Variants in DPYD observed in about 807,000 individuals in gnomAD.
The protein encoded by DPYD is dihydropyrimidine dehydrogenase [NADP(+)].
In DPYD, 109 loss-of-function variants were observed where a neutral mutation model predicts 116.2. The observed-to-expected ratio is 0.94, with a 90% confidence interval of 0.80 to 1.10. DPYD has a LOEUF of 1.10. Among genes scored for constraint, DPYD ranks in the 50% least tolerant of loss-of-function variants. The pLI, the probability that DPYD is intolerant of heterozygous loss-of-function variation, is 0.00. For synonymous variants in DPYD, 440 were observed against 432.0 expected, an observed-to-expected ratio of 1.02 and a Z score of -0.23; for missense variants, 1,302 against 1,254.5, an observed-to-expected ratio of 1.04 and a Z score of -0.57.
intron 18 of DPYD, among the ~76,000 whole-genome samples, chr1:97,282,974 C>G (rs895260637): frequency 6.6e-6 from 1 of 152,050 alleles, no homozygotes; most frequent in African/African-American, 2.4e-5. Flanking sequence ...TGATGGGCAT[C>G]TAGGCTGGTT....
intron 16 of DPYD, among the ~76,000 whole-genome samples, chr1:97,324,487 C>T (rs190437535): frequency 1.3e-5 from 2 of 152,148 alleles, no homozygotes; most frequent in African/African-American, 4.8e-5. Flanking sequence ...ATGCCAAATA[C>T]TGCTTCTGTT....
intron 4 of DPYD, among the ~76,000 whole-genome samples, chr1:97,737,013 C>T (rs1300033437): frequency 6.6e-6 from 1 of 152,080 alleles, no homozygotes; most frequent in Non-Finnish European, 1.5e-5. Flanking sequence ...TTATAAAATA[C>T]TCCTCACCTA....
chr1:97,454,059 T>C (rs529479346), intron 13 of DPYD, among the ~76,000 whole-genome samples: 48 of 152,146 alleles, frequency 3.2e-4, no homozygotes, highest in African/African-American at 1.1e-3. Context: ...TTTGTTAGCA[T>C]CATAGAAATT....
At chr1:97,586,677 G>A (rs760825076) in intron 10 of DPYD, among the ~76,000 whole-genome samples, 5 of 151,390 alleles carry the variant, frequency 3.3e-5, no homozygotes, top group Non-Finnish European at 2.9e-5. Context: ...ATGGGCACAA[G>A]CTTTTGTTGG....
intron 13 of DPYD, among the ~76,000 whole-genome samples, chr1:97,495,020 A>G (rs777957253): frequency 7.9e-5 from 12 of 152,198 alleles, no homozygotes; most frequent in Non-Finnish European, 1.8e-4. Flanking sequence ...ATCCATGTGC[A>G]CAATCATAGT....
chr1:97,151,539 G>A (rs1655016435), intron 20 of DPYD, among the ~76,000 whole-genome samples: 1 of 152,138 alleles, frequency 6.6e-6, no homozygotes, highest in Non-Finnish European at 1.5e-5. Context: ...GCCAGGCATG[G>A]TGGTGGGCGC....
intron 2 of DPYD, among the ~76,000 whole-genome samples, chr1:97,868,364 A>C (rs1431948308): frequency 6.6e-6 from 1 of 151,816 alleles, no homozygotes; most frequent in Non-Finnish European, 1.5e-5. Flanking sequence ...AACAAGAACT[A>C]TCACAAAAGA....
chr1:97,832,278 T>G (rs1669578663), intron 2 of DPYD, among the ~76,000 whole-genome samples: 1 of 152,106 alleles, frequency 6.6e-6, no homozygotes, highest in Non-Finnish European at 1.5e-5. Flanking sequence ...AAGCAGGGAT[T>G]TGAACCCAAG....
chr1:97,575,226 C>T lies in DPYD; in HGVS notation c.1129-1256G>A, dbSNP rs530746377. ...TCTTTATTAGATTATAGCTGACTGG[C>T]TCAGCACTTGTTCTCTATGATGCAT... On this transcript the variant is annotated intron_variant, in intron 10 of 22. Transcript: ENST00000370192. 5.3e-5 allele frequency among the ~76,000 whole-genome samples: 8 copies of T among 152,264 alleles called. No homozygotes were observed. In the East Asian group the frequency reaches 1.4e-3, roughly 26 times the overall value.
At chr1:97,831,044 A>G (rs1464948417) in intron 2 of DPYD, among the ~76,000 whole-genome samples, 1 of 152,210 alleles carries the variant, frequency 6.6e-6, no homozygotes, top group East Asian at 1.9e-4. Flanking sequence ...TACCCAACAG[A>G]ACAACAAAGG....
intron 20 of DPYD, among the ~76,000 whole-genome samples, chr1:97,173,301 T>TGCATATATATGC (rs1557911722): frequency 4.1e-5 from 6 of 147,488 alleles, no homozygotes; most frequent in Admixed American, 2.7e-4. Flanking sequence ...TACACATATG[T>TGCATATATATGC]ACATATATAT....
intron 20 of DPYD, among the ~76,000 whole-genome samples, chr1:97,163,326 T>C (rs777452016): frequency 1.1e-4 from 17 of 152,166 alleles, no homozygotes; most frequent in Non-Finnish European, 1.6e-4. Flanking sequence ...GTGAAGGACA[T>C]GAACAGACAC....
At chr1:97,708,719 T>C (rs1382727147) in intron 5 of DPYD, among the ~76,000 whole-genome samples, 1 of 152,066 alleles carries the variant, frequency 6.6e-6, no homozygotes, top group Admixed American at 6.6e-5. Context: ...TCTATAGATC[T>C]AATTGGGAAG....
intron 8 of DPYD, among the ~76,000 whole-genome samples, chr1:97,647,641 G>C (rs769822524): frequency 4.6e-5 from 7 of 151,808 alleles, no homozygotes; most frequent in Non-Finnish European, 1.0e-4. Flanking sequence ...TTCTCTGAAT[G>C]AGCTAAAAAG....
At chr1:97,173,300 G>GCACATATATATGCACACATATA (rs1656924418) in intron 20 of DPYD, among the ~76,000 whole-genome samples, 1 of 89,400 alleles carries the variant, frequency 1.1e-5, no homozygotes, top group African/African-American at 4.7e-5. Flanking sequence ...GTACACATAT[G>GCACATATATATGCACACATATA]TACATATATA....
At chr1:97,781,469 C>A (rs1057462186) in intron 3 of DPYD, among the ~76,000 whole-genome samples, 1 of 152,178 alleles carries the variant, frequency 6.6e-6, no homozygotes, top group Admixed American at 6.5e-5. Context: ...ATGTTCCATG[C>A]ATGTTTAGTT....
chr1:97,125,038 T>C (rs12756004), intron 20 of DPYD, among the ~76,000 whole-genome samples: 274 of 152,236 alleles, frequency 1.8e-3, no homozygotes, highest in Non-Finnish European at 3.1e-3. Context: ...TTTAGAATGT[T>C]AATTTAATTT....
chr1:97,445,916 G>A (rs373538234), intron 14 of DPYD, among the ~76,000 whole-genome samples: 3 of 151,824 alleles, frequency 2.0e-5, no homozygotes, highest in African/African-American at 4.8e-5. Context: ...TAGTAGAGAC[G>A]GGGTTTCACC....
At chr1:97,605,364 G>A (rs1557832296) in intron 8 of DPYD, among the ~76,000 whole-genome samples, 2 of 151,992 alleles carry the variant, frequency 1.3e-5, no homozygotes, top group Non-Finnish European at 2.9e-5. Context: ...TCATGGGGGT[G>A]ATTTCCCCCA....
Sources: allele counts gnomAD v4.1 joint callset (sites outside exome capture counted in the v4.1 genomes callset), GRCh38; gene constraint gnomAD v4.1.1; transcripts MANE v1.5; gene names NCBI Gene and HGNC (gene_info 2026-07-23, HGNC 2026-07-21).